The following OPA1 variants were observed in gnomAD, a reference collection of about 807,000 sequenced individuals.
OPA1 encodes the protein dynamin-like GTPase OPA1, mitochondrial.
OPA1 carries 59 observed loss-of-function variants against 152.9 expected under a neutral mutation model. The observed-to-expected ratio is 0.39, with a 90% confidence interval of 0.31 to 0.48. The LOEUF (loss-of-function observed/expected upper bound fraction) is 0.48, where lower values mean the gene tolerates loss of function less well. OPA1 is among the 20% of genes least tolerant of loss of function. The probability of loss-of-function intolerance (pLI) is 0.96; values close to 1 mark genes in which losing one functional copy is unlikely to be tolerated. For synonymous variants in OPA1, 400 were observed against 389.9 expected, an observed-to-expected ratio of 1.03 and a Z score of -0.31; for missense variants, 1,008 against 1,216.8, an observed-to-expected ratio of 0.83 and a Z score of 2.55.
chr3:193,666,892 ACT>A (rs775629999), intron 28 of OPA1, among the ~76,000 whole-genome samples: 5 of 152,056 alleles, frequency 3.3e-5, no homozygotes, highest in African/African-American at 4.8e-5. Flanking sequence ...ATTGCATGAA[ACT>A]CTGTTGGGAA....
intron 7 of OPA1, among the ~76,000 whole-genome samples, chr3:193,627,497 A>G (rs984872341): frequency 1.1e-4 from 17 of 152,200 alleles, no homozygotes; most frequent in Non-Finnish European, 1.6e-4. Context: ...TGAGCCACCT[A>G]TACTTTAGTT....
chr3:193,634,540 C>G (rs1367162399), intron 8 of OPA1, among the ~76,000 whole-genome samples: 1 of 151,894 alleles, frequency 6.6e-6, no homozygotes, highest in East Asian at 2.0e-4. Context: ...GCCTCAGCCT[C>G]CCTAGTAGCT....
At position 193,614,739 on chromosome 3, in the gene OPA1, T is replaced by A. The variant is rs760770105; in HGVS notation, c.49T>A (p.Leu17Ile). 4.3e-6 allele frequency: 7 copies of A among 1,613,710 alleles called. No homozygotes were observed. The highest frequency in any genetic ancestry group is 5.9e-6 in the Non-Finnish European group (7 of 1,179,588). The change falls in exon 2 of 31, where the codon TTA (leucine) becomes ATA (isoleucine). Residue 17 changes from leucine (L) to isoleucine (I), a missense_variant. By Grantham distance (5) the Leu-to-Ile change is conservative (BLOSUM62 2). This residue lies in a region of OPA1 where 408 missense variants were observed against 395.1 expected (regional missense o/e 1.03). Coordinates refer to ENST00000361510, the MANE Select transcript of OPA1 (RefSeq NM_130837.3). Reference protein sequence around the residue: ...AAVACEVCQSLVKHSSGIKGS... With the variant: ...AAVACEVCQSIVKHSSGIKGS... ...TTCTTTCAGTGAGGTCTGCCAGTCTTTAGTGAAACACAGCTCTGGAATAAA... is the reference window on the plus strand; with the variant it reads ...TTCTTTCAGTGAGGTCTGCCAGTCTATAGTGAAACACAGCTCTGGAATAAA...
At chr3:193,650,010 T>C (rs1412895119) in intron 21 of OPA1, among the ~76,000 whole-genome samples, 1 of 152,188 alleles carries the variant, frequency 6.6e-6, no homozygotes, top group Admixed American at 6.5e-5. Flanking sequence ...AAAAGTGATA[T>C]GTAAACTGTA....
chr3:193,645,512 A>G (rs758829574), intron 16 of OPA1, 41 bp from the exon 17 acceptor site: 14 of 1,487,428 alleles, frequency 9.4e-6, no homozygotes, highest in Admixed American at 5.1e-5. Context: ...AAACTTATGT[A>G]AACTATATCT....
chr3:193,690,233 G>T, intron 29 of OPA1, among the ~76,000 whole-genome samples: 1 of 151,328 alleles, frequency 6.6e-6, no homozygotes, highest in Non-Finnish European at 1.5e-5. Flanking sequence ...ATATATAAGG[G>T]GTTAATGCTA....
intron 29 of OPA1, among the ~76,000 whole-genome samples, chr3:193,691,112 G>A (rs781302174): frequency 4.6e-5 from 7 of 152,190 alleles, no homozygotes; most frequent in South Asian, 4.2e-4. Context: ...TCTTAGCTAC[G>A]TGGGAGGCCA....
intron 23 of OPA1, among the ~76,000 whole-genome samples, chr3:193,658,450 C>T (rs1714444399): frequency 6.6e-6 from 1 of 152,008 alleles, no homozygotes; most frequent in Non-Finnish European, 1.5e-5. Context: ...TTGCTGTTAA[C>T]ACTGGGAATA....
intron 29 of OPA1, among the ~76,000 whole-genome samples, chr3:193,682,747 CCTG>C (rs1317807560): frequency 2.0e-5 from 3 of 152,118 alleles, no homozygotes; most frequent in African/African-American, 7.2e-5. Flanking sequence ...ACTCTCGAGA[CCTG>C]CTCAGAAAAG....
intron 29 of OPA1, among the ~76,000 whole-genome samples, chr3:193,691,197 G>A: frequency 6.6e-6 from 1 of 152,200 alleles, no homozygotes; most frequent in East Asian, 1.9e-4. Context: ...CGCCAACCTG[G>A]GCGACAGAGT....
Position 193,642,978 on chromosome 3 carries a change from G to T in OPA1, c.1234G>T (p.Ala412Ser). 2 of 1,613,322 alleles carry T rather than the reference G, an allele frequency of 1.2e-6. No homozygotes were observed. Among genetic ancestry groups the T allele is most frequent in the Non-Finnish European group, 1.7e-6 (2 of 1,179,356 alleles). ...AGGATTTTGTGTTTTCCATTAGCTT[G>T]CAGCATTAAGACATGAAATAGAACT... ...EFDLTKEEDL[A>S]ALRHEIELRM... is the part of the protein sequence containing the mutation. The change falls in exon 13 of 31, where the codon GCA becomes TCA. Residue 412 changes from alanine (A) to serine (S), a missense_variant. Ala to Ser is a moderately conservative substitution (Grantham distance 99). This residue lies in a region of OPA1 where 213 missense variants were observed against 291.4 expected (regional missense o/e 0.73). Transcript: ENST00000361510.
chr3:193,674,788 C>T (rs1463729532), intron 29 of OPA1, among the ~76,000 whole-genome samples: 1 of 152,106 alleles, frequency 6.6e-6, no homozygotes, highest in African/African-American at 2.4e-5. Context: ...ATGAGAATAT[C>T]GTCTGTGAAG....
In OPA1 at chr3:193,676,055, A is replaced by G. The variant is rs1718928136; in HGVS notation, c.2983+8775A>G. Among the ~76,000 whole-genome samples, 3 of 152,250 alleles carry G rather than the reference A, an allele frequency of 2.0e-5. No homozygotes were observed. In the South Asian group the frequency reaches 6.2e-4, roughly 32 times the overall value. ...ATCGTGCAGTCTGGCTTTCATCTAT[A>G]TCAAAACCACTTATTGATAGATCAC... On this transcript the variant is annotated intron_variant, in intron 29 of 30. Transcript: ENST00000361510.
chr3:193,617,435 T>G, intron 4 of OPA1, 150 bp downstream of exon 4: 21 of 646,646 alleles, frequency 3.2e-5, no homozygotes, highest in Non-Finnish European at 5.5e-5. Context: ...AACACAAAGT[T>G]TTGTTACACA....
At chr3:193,665,494 A>G (rs911685180) in intron 27 of OPA1, among the ~76,000 whole-genome samples, 1 of 152,122 alleles carries the variant, frequency 6.6e-6, no homozygotes. Flanking sequence ...TTATTTCTTC[A>G]TATCACTAAA....
intron 6 of OPA1, among the ~76,000 whole-genome samples, chr3:193,623,105 G>T (rs182326278): frequency 6.9e-6 from 1 of 145,050 alleles, no homozygotes; most frequent in Non-Finnish European, 1.5e-5. Flanking sequence ...TGGCAGATTC[G>T]ATGTCTTTTG....
At chr3:193,629,472 G>A (rs926018373) in intron 7 of OPA1, among the ~76,000 whole-genome samples, 1 of 151,852 alleles carries the variant, frequency 6.6e-6, no homozygotes, top group Non-Finnish European at 1.5e-5. Flanking sequence ...GCTGAGGTGG[G>A]CAGATCACGA....
rs1158710912 is a variant in OPA1, at chr3:193,647,105, T to G, written c.1795T>G (p.Leu599Val). ...LKAHQVTTRNLSLAVSDCFWK... is the reference protein window; with the variant it reads ...LKAHQVTTRNVSLAVSDCFWK... The stretch of plus-strand genomic sequence containing the variant: ...GGCACACCAAGTGACTACAAGAAAT[T>G]TAAGCCTTGCAGTATCAGACTGCTT... Residue 599 changes from leucine to valine, a missense_variant, in exon 19 of 31, where the codon TTA becomes GTA. Leu to Val is a conservative substitution (Grantham distance 32). This residue lies in a region of OPA1 where 213 missense variants were observed against 291.4 expected (regional missense o/e 0.73). Transcript: ENST00000361510. 1 of 1,613,422 alleles carries G rather than the reference T, an allele frequency of 6.2e-7. No homozygotes were observed.
At chr3:193,678,034 C>T (rs961290198) in intron 29 of OPA1, among the ~76,000 whole-genome samples, 2 of 152,176 alleles carry the variant, frequency 1.3e-5, no homozygotes, top group African/African-American at 4.8e-5. Context: ...ACACTTGTAT[C>T]ACCCATTTAA....
Sources: gnomAD v4.1 joint callset for allele counts (sites outside exome capture counted in the v4.1 genomes callset) on GRCh38, gnomAD v4.1.1 for gene constraint, gnomAD v4.1.1 regional missense constraint, MANE v1.5 for transcripts, NCBI Gene and HGNC (gene_info 2026-07-23, HGNC 2026-07-21) for gene names.